Variants in NEBL observed in about 807,000 individuals in gnomAD.
The protein encoded by NEBL is nebulette.
NEBL carries 122 observed loss-of-function variants against 140.2 expected under a neutral mutation model. The observed-to-expected ratio is 0.87, with a 90% CI of 0.75 to 1.01. NEBL has a LOEUF of 1.01. Ranked by LOEUF, NEBL falls within the 50% of genes least tolerant of loss-of-function variation. The pLI, the probability that NEBL is intolerant of heterozygous loss-of-function variation, is 0.00. For missense variants in NEBL, 1,365 were observed against 1,231.3 expected, an observed-to-expected ratio of 1.11 and a Z score of -1.62; for synonymous variants, 436 against 398.9, an observed-to-expected ratio of 1.09 and a Z score of -1.11.
At chr10:20,815,748 C>T in intron 21 of NEBL, 31 bp from the exon 22 acceptor site, 5 of 1,395,186 alleles carry the variant, frequency 3.6e-6, no homozygotes, top group Non-Finnish European at 4.1e-6. Flanking sequence ...AAATAGAATA[C>T]TATGAATCAA....
chr10:21,222,832 A>G (rs1340610015), intron 3 of NEBL, among the ~76,000 whole-genome samples: 1 of 152,110 alleles, frequency 6.6e-6, no homozygotes. Context: ...GTGCGATCTC[A>G]GCTCACTGCA....
chr10:20,894,060 A>G (rs181467397), intron 2 of NEBL, among the ~76,000 whole-genome samples: 5 of 152,310 alleles, frequency 3.3e-5, no homozygotes, highest in Admixed American at 3.3e-4. Context: ...CACTCTGCAC[A>G]GTTCTGATTA....
At chr10:21,049,356 C>A (rs1834663853) in intron 2 of NEBL, among the ~76,000 whole-genome samples, 1 of 152,162 alleles carries the variant, frequency 6.6e-6, no homozygotes, top group Non-Finnish European at 1.5e-5. Flanking sequence ...CGCTGCTTTG[C>A]ATTTTTGGAG....
At chr10:21,205,290 A>C (rs1329830502) in intron 3 of NEBL, among the ~76,000 whole-genome samples, 1 of 152,238 alleles carries the variant, frequency 6.6e-6, no homozygotes, top group Admixed American at 6.5e-5. Flanking sequence ...GTAGTCCAGC[A>C]GTTCTATTTC....
chr10:21,039,277 GT>G (rs1834157252), intron 2 of NEBL, among the ~76,000 whole-genome samples: 1 of 152,046 alleles, frequency 6.6e-6, no homozygotes, highest in South Asian at 2.1e-4. Flanking sequence ...TGCTTTTGGT[GT>G]TTTAGTCATG....
intron 2 of NEBL, among the ~76,000 whole-genome samples, chr10:21,162,820 A>T (rs1840609140): frequency 6.6e-6 from 1 of 152,256 alleles, no homozygotes; most frequent in African/African-American, 2.4e-5. Flanking sequence ...TCACAAAGGT[A>T]GGCATAGCCT....
rs546104536 is a variant in NEBL at position 21,031,797 on chromosome 10, C to T, written c.165-11596G>A. 2.6e-5 allele frequency among the ~76,000 whole-genome samples: 4 copies of T among 152,296 alleles called. No homozygotes were observed. The South Asian group carries it at 8.3e-4, about 32-fold the overall frequency. On this transcript the variant is annotated intron_variant, in intron 2 of 6. Coordinates refer to the NEBL transcript ENST00000417816. The stretch of plus-strand genomic sequence containing the variant: ...TCAAGTCCTGGGCCTCCTTCACTCA[C>T]TTCTTCCAGGACAGAGTATACACAT...
intron 4 of NEBL, among the ~76,000 whole-genome samples, chr10:20,956,846 T>C (rs1448043293): frequency 2.0e-5 from 3 of 152,200 alleles, no homozygotes; most frequent in Admixed American, 2.0e-4. Flanking sequence ...ATGTAAGACC[T>C]AATTGCCTCA....
chr10:21,123,454 A>C lies in NEBL; in HGVS notation c.164+48929T>G, dbSNP rs541108131. The stretch of plus-strand genomic sequence containing the variant: ...TCTTTATCATCAACTTTATTCATAC[A>C]CTGAAGATATCAGTAAAAAGCTCAC... On this transcript the variant is annotated intron_variant, in intron 2 of 6. Coordinates refer to the NEBL transcript ENST00000417816. Among the ~76,000 whole-genome samples the C allele has an allele frequency of 5.3e-5, 8 of 152,302 alleles. No individual in the cohort carries two copies. The South Asian group carries it at 1.7e-3, about 32-fold the overall frequency.
At chr10:20,785,979 T>C in intron 27 of NEBL, 56 bp from the exon 28 acceptor site, 2 of 1,541,876 alleles carry the variant, frequency 1.3e-6, no homozygotes, top group Non-Finnish European at 1.8e-6. Context: ...CAGCCACAAA[T>C]TCCAATCACA....
rs1159455303 is a variant in NEBL at position 20,846,849 on chromosome 10, G to GA, written c.1117-1482dup. ...TAGAAGTAGCCAAAATATATAGCTAGAAAAAAAAAAACCTTTTGGGTATGC... is the reference window on the plus strand; with the variant it reads ...TAGAAGTAGCCAAAATATATAGCTAGAAAAAAAAAAAACCTTTTGGGTATGC... On this transcript the variant is annotated intron_variant, in intron 11 of 27. Transcript: ENST00000377122. 6.0e-3 allele frequency among the ~76,000 whole-genome samples: 859 copies of GA among 144,036 alleles called. 12 individuals carry two copies. The highest frequency in any genetic ancestry group is 0.017 in the African/African-American group (685 of 39,584). The allele number at this position is 144,036 out of a possible 152,430, so 94.5% of individuals were successfully genotyped here.
rs1036503299 is a variant in NEBL at position 21,229,042 on chromosome 10, G to GA, written n.348+18878dup. On this transcript the variant is annotated intron_variant and non_coding_transcript_variant, in intron 3 of 8. Coordinates refer to the NEBL transcript ENST00000675702. ...CATAGTGGACATAGAGTGTAAGTGG[G>GA]AAAAAAAAAAATCTGTTACAATTTG... 7.5e-4 allele frequency among the ~76,000 whole-genome samples: 109 copies of GA among 146,266 alleles called. 1 individual carries two copies. In the East Asian group the frequency reaches 0.015, roughly 20 times the overall value.
chr10:20,897,131 T>G lies in NEBL; in HGVS notation c.75A>C (p.Glu25Asp). ...EEKIGEEENEEDQVFYKPVIE... is the reference protein window; with the variant it reads ...EEKIGEEENEDDQVFYKPVIE... Reference sequence around the variant, plus strand: ...TATGTGTTTTCTCACTCACCTGGTCTTCTTCATTTTCTTCTTCCCCTATCT... The same window carrying G: ...TATGTGTTTTCTCACTCACCTGGTCGTCTTCATTTTCTTCTTCCCCTATCT... The change falls in exon 1 of 28, where the codon GAA (glutamate) becomes GAC (aspartate). Residue 25 changes from glutamate (E) to aspartate (D), a missense_variant. Glu to Asp is a conservative substitution (Grantham distance 45). Coordinates refer to ENST00000377122, the MANE Select transcript of NEBL (RefSeq NM_006393.3). The G allele has an allele frequency of 1.3e-6, 2 of 1,597,894 alleles. No individual in the cohort carries two copies. The highest frequency in any genetic ancestry group is 1.7e-6 in the Non-Finnish European group (2 of 1,165,330).
At chr10:20,788,135 C>A (rs2131623153) in intron 26 of NEBL, among the ~76,000 whole-genome samples, 1 of 152,208 alleles carries the variant, frequency 6.6e-6, no homozygotes, top group Non-Finnish European at 1.5e-5. Context: ...TTTTAAAACC[C>A]CACAGAATCA....
intron 2 of NEBL, among the ~76,000 whole-genome samples, chr10:20,890,918 T>C (rs906950222): frequency 4.6e-5 from 7 of 152,246 alleles, no homozygotes; most frequent in African/African-American, 1.7e-4. Flanking sequence ...CTCTGTAATA[T>C]GCTCGTGTTT....
At chr10:20,898,171 T>TA (rs200712707), upstream of NEBL, among the ~76,000 whole-genome samples, 4 of 151,748 alleles carry the variant, frequency 2.6e-5, no homozygotes, top group South Asian at 6.2e-4. Context: ...AAACCAAGGT[T>TA]AAAAAAAAAT....
chr10:21,226,185 C>T (rs991764856), intron 3 of NEBL, among the ~76,000 whole-genome samples: 2 of 151,958 alleles, frequency 1.3e-5, no homozygotes, highest in Non-Finnish European at 2.9e-5. Context: ...TGTCAGGGAG[C>T]TAGAGCCGAA....
At chr10:21,027,099 T>C (rs1351689683) in intron 2 of NEBL, among the ~76,000 whole-genome samples, 1 of 152,090 alleles carries the variant, frequency 6.6e-6, no homozygotes, top group Non-Finnish European at 1.5e-5. Flanking sequence ...ATTTTACCTT[T>C]GCTGATTTTG....
Position 21,281,383 on chromosome 10 carries a change from A to T in NEBL, n.182+11447T>A, listed in dbSNP as rs74123935. ...TGCTATATTGCCCAGGCTGGTCTCA[A>T]ACTCCTTGCCTCAAGTAATCCTCCT... On this transcript the variant is annotated intron_variant and non_coding_transcript_variant, in intron 1 of 8. Coordinates refer to the NEBL transcript ENST00000675702. 7.3e-3 allele frequency among the ~76,000 whole-genome samples: 1,103 copies of T among 152,084 alleles called. 15 individuals carry two copies. The highest frequency in any genetic ancestry group is 0.025 in the African/African-American group (1,038 of 41,506).
Sources: gnomAD v4.1 joint callset for allele counts (sites outside exome capture counted in the v4.1 genomes callset) on GRCh38, gnomAD v4.1.1 for gene constraint, MANE v1.5 for transcripts, NCBI Gene and HGNC (gene_info 2026-07-23, HGNC 2026-07-21) for gene names.